Variants in SHANK2 observed in about 807,000 individuals in gnomAD.
The protein encoded by SHANK2 is SH3 and multiple ankyrin repeat domains protein 2.
SHANK2 carries 43 observed loss-of-function variants against 133.7 expected under a neutral mutation model. That is an observed-to-expected ratio of 0.32 (90% CI 0.25 to 0.41). The LOEUF is 0.41. Ranked by LOEUF, SHANK2 falls within the 10% of genes least tolerant of loss-of-function variation. SHANK2 has a pLI of 1.00. For synonymous variants in SHANK2, 1,017 were observed against 952.8 expected, an observed-to-expected ratio of 1.07 and a Z score of -1.24; for missense variants, 1,994 against 2,235.8, an observed-to-expected ratio of 0.89 and a Z score of 2.18.
chr11:70,810,698 T>C (rs985808987), intron 12 of SHANK2, among the ~76,000 whole-genome samples: 6 of 152,176 alleles, frequency 3.9e-5, no homozygotes, highest in Admixed American at 6.5e-5. Context: ...TTTTCTTATT[T>C]GTAAAATAGG....
intron 14 of SHANK2, among the ~76,000 whole-genome samples, chr11:70,755,582 G>A (rs1946850211): frequency 1.3e-5 from 2 of 152,228 alleles, no homozygotes; most frequent in Non-Finnish European, 2.9e-5. Flanking sequence ...GTGGCAGTGG[G>A]ACCACAGTGG....
chr11:70,608,620 T>G (rs76115925), intron 17 of SHANK2, among the ~76,000 whole-genome samples: 11,451 of 152,254 alleles, frequency 0.075, 603 homozygotes, highest in East Asian at 0.24. Flanking sequence ...CTCCTCCTCT[T>G]GGCCGAGCCT....
intron 17 of SHANK2, among the ~76,000 whole-genome samples, chr11:70,593,752 G>C (rs981929562): frequency 6.6e-6 from 1 of 152,176 alleles, no homozygotes; most frequent in Non-Finnish European, 1.5e-5. Flanking sequence ...CCACCTTCTC[G>C]AGTGACAAGG....
chr11:70,547,417 C>CA (rs2059709484), intron 17 of SHANK2, among the ~76,000 whole-genome samples: 4 of 152,130 alleles, frequency 2.6e-5, no homozygotes, highest in Non-Finnish European at 5.9e-5. Context: ...CCTGTCACCA[C>CA]ACCTGGCTAA....
chr11:71,218,792 C>T (rs112252212), intron 2 of SHANK2, among the ~76,000 whole-genome samples: 11 of 152,302 alleles, frequency 7.2e-5, no homozygotes, highest in Non-Finnish European at 1.3e-4. Flanking sequence ...CAGCACTGGG[C>T]GTAACTAACT....
chr11:70,887,137 C>T lies in SHANK2; in HGVS notation c.1174+9364G>A, dbSNP rs182590780. Among the ~76,000 whole-genome samples, 48 of 152,228 alleles carry T rather than the reference C, an allele frequency of 3.2e-4. No individual in the cohort carries two copies. In the East Asian group the frequency reaches 7.9e-3, roughly 25 times the overall value. On this transcript the variant is annotated intron_variant, in intron 11 of 25. Transcript: ENST00000601538. The stretch of plus-strand genomic sequence containing the variant: ...AATGTGTGCACGACTGTTTCAGATG[C>T]GGGCTCCCCGGCACCCGGACAGTCT...
upstream of SHANK2, among the ~76,000 whole-genome samples, chr11:71,252,735 C>A (rs1265624556): frequency 2.6e-5 from 4 of 151,526 alleles, no homozygotes; most frequent in African/African-American, 9.7e-5. The surrounding 1 kb of genome is among the most constrained non-coding windows in gnomAD (Gnocchi z 6.3). Flanking sequence ...GCCCCGACCC[C>A]GCTCCCGCCC....
intron 15 of SHANK2, among the ~76,000 whole-genome samples, chr11:70,697,011 C>T (rs1197229748): frequency 1.3e-5 from 2 of 152,228 alleles, no homozygotes; most frequent in South Asian, 2.1e-4. Flanking sequence ...AAGCCAGTCA[C>T]AGAAAGATGA....
At chr11:70,729,685 C>T (rs540149052) in intron 14 of SHANK2, among the ~76,000 whole-genome samples, 14 of 151,716 alleles carry the variant, frequency 9.2e-5, no homozygotes, top group Admixed American at 3.3e-4. Context: ...CTACCACACC[C>T]GGCTAATTTT....
At chr11:70,644,646 A>G (rs1362928466) in intron 17 of SHANK2, among the ~76,000 whole-genome samples, 1 of 152,170 alleles carries the variant, frequency 6.6e-6, no homozygotes, top group African/African-American at 2.4e-5. Flanking sequence ...CCTTTCCAAC[A>G]TGCATTCCCA....
intron 17 of SHANK2, among the ~76,000 whole-genome samples, chr11:70,658,208 AACACACACACACACAC>A (rs782131753): frequency 3.1e-5 from 3 of 97,566 alleles, no homozygotes; most frequent in South Asian, 4.4e-4. Context: ...ACGCCCCCCC[AACACACACACACACAC>A]ACACACACAC....
intron 10 of SHANK2, among the ~76,000 whole-genome samples, chr11:70,909,546 T>G (rs1266534033): frequency 6.6e-6 from 1 of 152,152 alleles, no homozygotes; most frequent in East Asian, 1.9e-4. Context: ...GAAGTAGAGC[T>G]GTCGTGATCC....
chr11:70,678,425 C>T (rs1363435892), intron 15 of SHANK2, among the ~76,000 whole-genome samples: 4 of 151,360 alleles, frequency 2.6e-5, no homozygotes, highest in South Asian at 2.1e-4. Flanking sequence ...TGAGCCACCA[C>T]GCCCAGCCTC....
chr11:70,530,079 G>A (rs1000412722), intron 17 of SHANK2, among the ~76,000 whole-genome samples: 2 of 152,210 alleles, frequency 1.3e-5, no homozygotes, highest in African/African-American at 4.8e-5. Flanking sequence ...AGAAAGGAAT[G>A]CAGGGACTCA....
At chr11:71,246,565 G>A (rs1467413868) in intron 1 of SHANK2, among the ~76,000 whole-genome samples, 1 of 152,148 alleles carries the variant, frequency 6.6e-6, no homozygotes, top group Non-Finnish European at 1.5e-5. Context: ...CTTGCAGGGG[G>A]CTTCAAACTG....
intron 15 of SHANK2, among the ~76,000 whole-genome samples, chr11:70,692,484 T>A (rs1945310527): frequency 6.6e-6 from 1 of 152,228 alleles, no homozygotes; most frequent in Non-Finnish European, 1.5e-5. Flanking sequence ...GCATAGTGAC[T>A]TAGCTGGAAA....
At chr11:70,901,387 C>T (rs1424691652) in intron 10 of SHANK2, among the ~76,000 whole-genome samples, 1 of 152,204 alleles carries the variant, frequency 6.6e-6, no homozygotes, top group Non-Finnish European at 1.5e-5. Flanking sequence ...TGGGCACCCA[C>T]AGAATCTTCT....
In SHANK2 at chr11:71,164,058, C is replaced by A. The variant is rs529691468; in HGVS notation, c.-12-16720G>T. On this transcript the variant is annotated intron_variant, in intron 2 of 25. Coordinates refer to ENST00000601538, the MANE Select transcript of SHANK2 (RefSeq NM_012309.5). The stretch of plus-strand genomic sequence containing the variant: ...AGGAAATGTAAAATCAAAATACAAC[C>A]CTCCCAGATGCCAGTGGTCTCCAAA... 1.4e-4 allele frequency among the ~76,000 whole-genome samples: 22 copies of A among 152,198 alleles called. No individual in the cohort carries two copies. In the South Asian group the frequency reaches 4.2e-3, roughly 29 times the overall value.
intron 17 of SHANK2, among the ~76,000 whole-genome samples, chr11:70,545,621 T>G (rs1449110042): frequency 6.6e-6 from 1 of 152,190 alleles, no homozygotes; most frequent in African/African-American, 2.4e-5. Context: ...CGGTAATTGC[T>G]CATTAAACAG....
Sources: allele counts gnomAD v4.1 joint callset (sites outside exome capture counted in the v4.1 genomes callset), GRCh38; gene constraint gnomAD v4.1.1; non-coding constraint Gnocchi (gnomAD v3.1); transcripts MANE v1.5; gene names NCBI Gene and HGNC (gene_info 2026-07-23, HGNC 2026-07-21).